The following MCF2L2 variants were observed in gnomAD, a reference collection of about 807,000 sequenced individuals.
The protein encoded by MCF2L2 is probable guanine nucleotide exchange factor MCF2L2.
MCF2L2 carries 102 observed loss-of-function variants against 150.2 expected under a neutral mutation model. That is an observed-to-expected ratio of 0.68 (90% CI 0.58 to 0.80). The LOEUF is 0.80. Ranked by LOEUF, MCF2L2 falls within the 30% of genes least tolerant of loss-of-function variation. The pLI is 0.00. For synonymous variants in MCF2L2, 465 were observed against 491.3 expected (o/e 0.95, Z 0.71); for missense variants, 1,256 against 1,372.8 (o/e 0.91, Z 1.34).
At chr3:183,186,659 G>A (rs1291203638) in intron 27 of MCF2L2, among the ~76,000 whole-genome samples, 2 of 152,238 alleles carry the variant, frequency 1.3e-5, no homozygotes, top group Admixed American at 6.5e-5. Context: ...CCTGGGAGGT[G>A]GAGGTTGCAG....
intron 13 of MCF2L2, 53 bp from the exon 14 acceptor site, chr3:183,289,273 T>C (rs1202189719): frequency 8.0e-7 from 1 of 1,243,458 alleles, no homozygotes; most frequent in Non-Finnish European, 1.2e-6. Flanking sequence ...TATAACTCAG[T>C]GCACTTTGTC....
At chr3:183,269,048 C>T (rs1577002150) in intron 15 of MCF2L2, among the ~76,000 whole-genome samples, 1 of 152,000 alleles carries the variant, frequency 6.6e-6, no homozygotes, top group African/African-American at 2.4e-5. Flanking sequence ...TACTCTTATT[C>T]CTGCCTTGTC....
intron 14 of MCF2L2, among the ~76,000 whole-genome samples, chr3:183,282,239 T>C (rs1243603432): frequency 3.3e-5 from 5 of 151,990 alleles, no homozygotes; most frequent in Admixed American, 1.3e-4. Flanking sequence ...GGTACAGTGG[T>C]GCAATCTCAG....
At chr3:183,277,084 T>C in intron 14 of MCF2L2, 127 bp from the exon 15 acceptor site, 1 of 637,016 alleles carries the variant, frequency 1.6e-6, no homozygotes, top group Non-Finnish European at 2.8e-6. Flanking sequence ...ATCCAGTTTC[T>C]CATGCCGCTT....
At chr3:183,320,294 A>G (rs1416950533) in intron 6 of MCF2L2, among the ~76,000 whole-genome samples, 1 of 151,962 alleles carries the variant, frequency 6.6e-6, no homozygotes, top group Non-Finnish European at 1.5e-5. Flanking sequence ...GGGTTTCACC[A>G]TGTTGTCCAG....
intron 1 of MCF2L2, among the ~76,000 whole-genome samples, chr3:183,426,585 C>A (rs888532163): frequency 6.6e-6 from 1 of 152,244 alleles, no homozygotes; most frequent in Non-Finnish European, 1.5e-5. Flanking sequence ...TCCAGACGGT[C>A]ACACCCCGAG....
At chr3:183,367,110 G>A (rs1447913590) in intron 3 of MCF2L2, among the ~76,000 whole-genome samples, 1 of 152,056 alleles carries the variant, frequency 6.6e-6, no homozygotes, top group Non-Finnish European at 1.5e-5. Flanking sequence ...AGTGATACAG[G>A]TTTAATGACA....
intron 1 of MCF2L2, among the ~76,000 whole-genome samples, chr3:183,403,597 C>A (rs1201447194): frequency 6.6e-6 from 1 of 152,158 alleles, no homozygotes; most frequent in Middle Eastern, 3.2e-3. Context: ...GTGGATCCTG[C>A]CAGGTTGTAA....
intron 3 of MCF2L2, among the ~76,000 whole-genome samples, chr3:183,351,051 T>C (rs1037325183): frequency 6.6e-5 from 10 of 151,564 alleles, no homozygotes; most frequent in Non-Finnish European, 1.3e-4. Context: ...ACAAATGTAA[T>C]TGAACTTTTG....
intron 15 of MCF2L2, among the ~76,000 whole-genome samples, chr3:183,248,911 G>C (rs16857205): frequency 0.013 from 1,931 of 152,212 alleles, 47 homozygotes; most frequent in African/African-American, 0.044. Context: ...CCAAACCTAA[G>C]TGCAAAATTC....
At chr3:183,334,571 T>C (rs1730393336) in intron 5 of MCF2L2, among the ~76,000 whole-genome samples, 1 of 151,794 alleles carries the variant, frequency 6.6e-6, no homozygotes. Context: ...GTGGATCACC[T>C]GAGGTCAGGA....
chr3:183,199,321 T>C (rs1213066001), intron 25 of MCF2L2, among the ~76,000 whole-genome samples: 1 of 152,206 alleles, frequency 6.6e-6, no homozygotes, highest in African/African-American at 2.4e-5. Context: ...TGATGGAAGA[T>C]AGACTTTCCA....
intron 3 of MCF2L2, among the ~76,000 whole-genome samples, chr3:183,360,864 G>T (rs1712092864): frequency 6.6e-6 from 1 of 151,716 alleles, no homozygotes; most frequent in African/African-American, 2.4e-5. Context: ...AGCTACTCAT[G>T]AGGCTGAGGC....
chr3:183,354,621 G>C (rs1227490613), intron 3 of MCF2L2, among the ~76,000 whole-genome samples: 1 of 152,140 alleles, frequency 6.6e-6, no homozygotes, highest in Non-Finnish European at 1.5e-5. Context: ...CTCTCACCCA[G>C]TGGTTCAAGT....
Position 183,273,012 on chromosome 3 carries a change from A to G in MCF2L2, c.1862+3860T>C, listed in dbSNP as rs746456733. On this transcript the variant is annotated intron_variant, in intron 15 of 29. Transcript: ENST00000328913. The stretch of plus-strand genomic sequence containing the variant: ...GGCACTTCCTTTTTTTCTAAGAAGG[A>G]AGTTGCTAGATGATTCCTTCATCAC... 1.7e-4 allele frequency: 259 copies of G among 1,485,450 alleles called. 1 individual carries two copies. Among genetic ancestry groups the G allele is most frequent in the South Asian group, 1.3e-3 (96 of 72,306 alleles). The allele number at this position is 1,485,450 out of a possible 1,614,324, so 92.0% of individuals were successfully genotyped here. A position where few individuals can be genotyped will look rare whatever the true frequency, so the allele number is the denominator to read the frequency against.
chr3:183,219,526 G>A (rs988412657), intron 21 of MCF2L2, among the ~76,000 whole-genome samples: 9 of 151,740 alleles, frequency 5.9e-5, no homozygotes, highest in African/African-American at 1.9e-4. Context: ...CAGGAGAATC[G>A]CTTGAACCCG....
intron 3 of MCF2L2, chr3:183,371,984 T>C (rs1353846288): frequency 2.6e-5 from 4 of 151,394 alleles, no homozygotes; most frequent in African/African-American, 9.7e-5. Flanking sequence ...GTGAGGGAGG[T>C]ATATAGTATT....
At chr3:183,326,934 A>G (rs1181307798) in intron 5 of MCF2L2, among the ~76,000 whole-genome samples, 1 of 152,204 alleles carries the variant, frequency 6.6e-6, no homozygotes, top group Non-Finnish European at 1.5e-5. Flanking sequence ...ATTTAAACAA[A>G]TGGTGCTGAA....
rs527452370 is a variant in MCF2L2 at position 183,283,269 on chromosome 3, G to A, written c.1776+5851C>T. Among the ~76,000 whole-genome samples, 25 of 152,228 alleles carry A rather than the reference G, an allele frequency of 1.6e-4. No homozygotes were observed. The highest frequency in any genetic ancestry group is 3.6e-4 in the African/African-American group (15 of 41,534). ...TCAGCTGACTGTGACAACTGCCAGC[G>A]GCTGGTCAGCCTGCCTGCCTTCATC... On this transcript the variant is annotated intron_variant, in intron 14 of 29. Coordinates refer to ENST00000328913, the MANE Select transcript of MCF2L2 (RefSeq NM_015078.4). This position sits in a 1 kb window ranked among gnomAD's most constrained non-coding sequence, Gnocchi z 4.2.
Sources: gnomAD v4.1 joint callset for allele counts (sites outside exome capture counted in the v4.1 genomes callset) on GRCh38, gnomAD v4.1.1 for gene constraint, Gnocchi (gnomAD v3.1) non-coding constraint, MANE v1.5 for transcripts, NCBI Gene and HGNC (gene_info 2026-07-23, HGNC 2026-07-21) for gene names.